Variants in AMMECR1 observed in about 807,000 individuals in gnomAD.
AMMECR1 encodes nuclear protein AMMECR1.
Under a neutral mutation model 22.5 loss-of-function variants are expected in AMMECR1, and 3 were observed. That is an observed-to-expected ratio of 0.13 (90% CI 0.06 to 0.35). AMMECR1 has a LOEUF of 0.35. AMMECR1 is among the 10% of genes least tolerant of loss of function. The pLI is 1.00. For synonymous variants in AMMECR1, 130 were observed against 116.7 expected, an observed-to-expected ratio of 1.11 and a Z score of -0.74; for missense variants, 235 against 278.7, an observed-to-expected ratio of 0.84 and a Z score of 1.12.
chrX:110,298,223 T>C (rs1451057158), intron 1 of AMMECR1, among the ~76,000 whole-genome samples: 2 of 111,489 alleles, frequency 1.8e-5, no homozygotes, highest in African/African-American at 6.5e-5. Context: ...TTTGATCAAA[T>C]AAGAAAATGG....
rs1021921503 is a variant in AMMECR1 at position 110,196,230 on chromosome X, A to T, written c.*2290T>A. On this transcript the variant is annotated 3_prime_UTR_variant, in exon 6 of 6. Coordinates refer to ENST00000262844, the MANE Select transcript of AMMECR1 (RefSeq NM_015365.3). ...ACACACACACATCTATGTATGTAAT[A>T]AATCTTTGCTAAAAAAACTTCTAAC... 2.7e-5 allele frequency: 3 copies of T among 111,470 alleles called. No individual in the cohort carries two copies. The highest frequency in any genetic ancestry group is 9.8e-5 in the African/African-American group (3 of 30,672). 9.2% of individuals were successfully genotyped at this position (111,470 alleles called of 1,213,427 possible).
Position 110,198,458 on chromosome X carries a change from G to A in AMMECR1, c.*62C>T. ...TAAAAGAGATAGCTAGACCAAGAAG[G>A]TGTAGGGTCTCCTGGGAAGAGGTCT... On this transcript the variant is annotated 3_prime_UTR_variant, in exon 6 of 6. Coordinates refer to ENST00000262844, the MANE Select transcript of AMMECR1 (RefSeq NM_015365.3). 1 of 718,501 alleles carries A rather than the reference G, an allele frequency of 1.4e-6. No homozygotes were observed. 59.2% of individuals were successfully genotyped at this position (718,501 alleles called of 1,213,427 possible). A position where few individuals can be genotyped will look rare whatever the true frequency, so the allele number is the denominator to read the frequency against.
At chrX:110,204,563 A>C (rs1296253593) in intron 3 of AMMECR1, among the ~76,000 whole-genome samples, 1 of 111,823 alleles carries the variant, frequency 8.9e-6, no homozygotes, top group Non-Finnish European at 1.9e-5. Flanking sequence ...TAAGCATTCT[A>C]GTTCTGACAA....
At chrX:110,315,055 CATG>C (rs1295488847) in intron 1 of AMMECR1, among the ~76,000 whole-genome samples, 1 of 111,211 alleles carries the variant, frequency 9.0e-6, no homozygotes, top group Non-Finnish European at 1.9e-5. Context: ...CTGCTCATGA[CATG>C]ATAATAACTA....
intron 2 of AMMECR1, among the ~76,000 whole-genome samples, chrX:110,344,873 A>C (rs1395085862): frequency 1.8e-5 from 2 of 112,146 alleles, no homozygotes; most frequent in Non-Finnish European, 3.8e-5. Flanking sequence ...GTGGAGAAAT[A>C]GGAATGCTTT....
chrX:110,243,267 C>A (rs1289352753), intron 2 of AMMECR1, among the ~76,000 whole-genome samples: 1 of 112,063 alleles, frequency 8.9e-6, no homozygotes, highest in Non-Finnish European at 1.9e-5. Context: ...GTCAAAGAAG[C>A]CAAGGTGTCA....
chrX:110,256,666 A>T (rs781448792), intron 2 of AMMECR1, among the ~76,000 whole-genome samples: 5 of 111,681 alleles, frequency 4.5e-5, no homozygotes, highest in Admixed American at 3.8e-4. Context: ...AAAGATCAAC[A>T]AATTGTTATC....
Position 110,378,031 on chromosome X carries a change from AAT to A in AMMECR1, c.-148+48625_-148+48626del, listed in dbSNP as rs1331092017. Among the ~76,000 whole-genome samples, 82 of 107,592 alleles carry A rather than the reference AAT, an allele frequency of 7.6e-4. 1 individual carries two copies. Among genetic ancestry groups the A allele is most frequent in the Admixed American group, 1.7e-3 (17 of 10,068 alleles). The allele number at this position is 107,592 out of a possible 115,157, so 93.4% of individuals were successfully genotyped here. ...CTCAAAAAAAAAAAAAAAAAAAAAA[AAT>A]ATCTACCTCCATCTCAAAAACCTCT... is the stretch of plus-strand genomic sequence containing the variant. On this transcript the variant is annotated intron_variant, in intron 2 of 7. Coordinates refer to the AMMECR1 transcript ENST00000372057.
intron 3 of AMMECR1, among the ~76,000 whole-genome samples, chrX:110,209,872 GAC>G (rs112143179): frequency 0.046 from 4,846 of 104,499 alleles, 308 homozygotes; most frequent in African/African-American, 0.16. Context: ...AAATGCTGGG[GAC>G]ACACACACAC....
chrX:110,306,294 G>A (rs938460439), intron 1 of AMMECR1, among the ~76,000 whole-genome samples: 4 of 109,691 alleles, frequency 3.6e-5, no homozygotes, highest in Non-Finnish European at 5.7e-5. Flanking sequence ...ACTCCGTCTC[G>A]AAAAATAAAA....
chrX:110,369,162 C>T (rs2068319412), intron 2 of AMMECR1, among the ~76,000 whole-genome samples: 1 of 110,943 alleles, frequency 9.0e-6, no homozygotes, highest in African/African-American at 3.3e-5. Context: ...GAAACCCCGT[C>T]TCTACTAAAA....
At chrX:110,346,624 C>T (rs2068190247) in intron 2 of AMMECR1, 3 of 530,975 alleles carry the variant, frequency 5.6e-6, no homozygotes, top group Non-Finnish European at 1.0e-5. Context: ...AGCTTTTGTA[C>T]AGGCTTCAAA....
intron 2 of AMMECR1, among the ~76,000 whole-genome samples, chrX:110,373,869 A>G (rs958580264): frequency 3.6e-5 from 4 of 112,407 alleles, no homozygotes; most frequent in Admixed American, 9.4e-5. Context: ...TCTAGCCCCA[A>G]TGAAATATTT....
intron 1 of AMMECR1, among the ~76,000 whole-genome samples, chrX:110,428,876 C>A (rs1478583217): frequency 8.9e-6 from 1 of 112,360 alleles, no homozygotes; most frequent in African/African-American, 3.2e-5. Context: ...CAAAGGAGAG[C>A]ATTAAACCAA....
At chrX:110,415,405 G>C (rs1432168436) in intron 2 of AMMECR1, among the ~76,000 whole-genome samples, 1 of 112,267 alleles carries the variant, frequency 8.9e-6, no homozygotes, top group Non-Finnish European at 1.9e-5. Context: ...TTGTGTTAGA[G>C]TGGTGAGTGA....
intron 2 of AMMECR1, among the ~76,000 whole-genome samples, chrX:110,410,100 T>C (rs999698786): frequency 2.8e-4 from 31 of 111,741 alleles, no homozygotes; most frequent in Admixed American, 2.0e-3. Context: ...ACTGACTTTC[T>C]CGTTTTATGG....
At chrX:110,360,725 T>G (rs949675500) in intron 2 of AMMECR1, among the ~76,000 whole-genome samples, 1 of 111,292 alleles carries the variant, frequency 9.0e-6, no homozygotes, top group Admixed American at 9.5e-5. Flanking sequence ...GAGTTTCAAG[T>G]TGACATTTGG....
In AMMECR1 at chrX:110,317,934, T is replaced by C; in HGVS notation, c.138A>G (p.Leu46=). 8.3e-7 allele frequency: 1 copy of C among 1,198,555 alleles called. No homozygotes were observed. The highest frequency in any genetic ancestry group is 1.1e-6 in the Non-Finnish European group (1 of 889,189). ...CGTTGAGCCGCGTACCGGCGCCTCC[T>C]AGTCCCAGCTCCCCAGCTCGGCACT... is the stretch of plus-strand genomic sequence containing the variant. ...ESQCRAGELG[L]GGAGTRLNGL... The change falls in exon 1 of 6, where the codon CTA becomes CTG. Residue 46 remains leucine, a synonymous_variant. Coordinates refer to ENST00000262844, the MANE Select transcript of AMMECR1 (RefSeq NM_015365.3).
Position 110,317,624 on chromosome X carries a change from T to G in AMMECR1, c.448A>C (p.Thr150Pro), listed in dbSNP as rs755218257. The G allele has an allele frequency of 8.4e-7, 1 of 1,192,475 alleles. No individual in the cohort carries two copies. Among genetic ancestry groups the G allele is most frequent in the African/African-American group, 1.8e-5 (1 of 56,487 alleles). ...CHLYGYQQPR[T>P]PRFTNEPYPL... The stretch of plus-strand genomic sequence containing the variant: ...TAGGGCTCGTTGGTGAATCGGGGGG[T>G]CCGGGGCTGCTGGTATCCATACAGG... The change falls in exon 1 of 6, where the codon ACC (threonine) becomes CCC (proline). Residue 150 changes from threonine (T) to proline (P), a missense_variant. Coordinates refer to ENST00000262844, the MANE Select transcript of AMMECR1 (RefSeq NM_015365.3).
Sources: gnomAD v4.1 joint callset for allele counts (sites outside exome capture counted in the v4.1 genomes callset) on GRCh38, gnomAD v4.1.1 for gene constraint, MANE v1.5 for transcripts, NCBI Gene and HGNC (gene_info 2026-07-23, HGNC 2026-07-21) for gene names.